UNC5D: variants seen among roughly 807,000 people sequenced by gnomAD.
UNC5D encodes the protein netrin receptor UNC5D.
Under a neutral mutation model 105.4 loss-of-function variants are expected in UNC5D, and 39 were observed. The ratio of observed to expected loss-of-function variants is 0.37; its 90% CI spans 0.29 to 0.48. The LOEUF (loss-of-function observed/expected upper bound fraction) is 0.48, where lower values mean the gene tolerates loss of function less well. Ranked by LOEUF, UNC5D falls within the 20% of genes least tolerant of loss-of-function variation. UNC5D has a pLI of 0.98. For missense variants in UNC5D, 991 were observed against 1,202.4 expected, an observed-to-expected ratio of 0.82 and a Z score of 2.60; for synonymous variants, 452 against 450.4, an observed-to-expected ratio of 1.00 and a Z score of -0.04.
chr8:35,717,200 C>G (rs776216160), intron 8 of UNC5D, among the ~76,000 whole-genome samples: 1 of 152,162 alleles, frequency 6.6e-6, no homozygotes, highest in Non-Finnish European at 1.5e-5. Flanking sequence ...AACAGAATAT[C>G]ATATGTTTGG....
chr8:35,292,239 A>G (rs1476775056), intron 1 of UNC5D, among the ~76,000 whole-genome samples: 1 of 152,208 alleles, frequency 6.6e-6, no homozygotes, highest in Non-Finnish European at 1.5e-5. Context: ...TGAAGAAGGA[A>G]GTAAAGTGTC....
intron 1 of UNC5D, among the ~76,000 whole-genome samples, chr8:35,485,727 C>A (rs918276601): frequency 6.6e-6 from 1 of 152,148 alleles, no homozygotes; most frequent in Non-Finnish European, 1.5e-5. Context: ...CAGTGAGACC[C>A]TGAGCAAAGT....
In UNC5D at chr8:35,614,169, T is replaced by A. The variant is rs138688921; in HGVS notation, c.570+18512T>A. Among the ~76,000 whole-genome samples the A allele has an allele frequency of 1.8e-4, 28 of 152,338 alleles. No individual in the cohort carries two copies. In the East Asian group the frequency reaches 5.4e-3, roughly 29 times the overall value. On this transcript the variant is annotated intron_variant, in intron 4 of 16. Transcript: ENST00000404895. ...TTTTCAAGCGAGAAGCTCTTTACCCTTCTCCCCTGTGAGGGTGTTCTTAAT... is the reference window on the plus strand; with the variant it reads ...TTTTCAAGCGAGAAGCTCTTTACCCATCTCCCCTGTGAGGGTGTTCTTAAT...
chr8:35,571,135 A>G (rs1817693471), intron 3 of UNC5D, among the ~76,000 whole-genome samples: 5 of 152,084 alleles, frequency 3.3e-5, no homozygotes, highest in Non-Finnish European at 7.4e-5. Context: ...ACAGGCATGA[A>G]CGACTGAGCC....
intron 4 of UNC5D, among the ~76,000 whole-genome samples, chr8:35,629,172 C>G (rs887062135): frequency 5.9e-5 from 9 of 152,074 alleles, no homozygotes; most frequent in Non-Finnish European, 1.2e-4. Context: ...GCTTTAAGTC[C>G]AAGAGTAGAA....
chr8:35,605,336 G>A (rs1820214875), intron 4 of UNC5D, among the ~76,000 whole-genome samples: 1 of 152,234 alleles, frequency 6.6e-6, no homozygotes, highest in Admixed American at 6.5e-5. Context: ...CTGGGTATCA[G>A]CAGCGGTGGC....
At chr8:35,367,928 A>G (rs916816497) in intron 1 of UNC5D, among the ~76,000 whole-genome samples, 1 of 152,126 alleles carries the variant, frequency 6.6e-6, no homozygotes, top group African/African-American at 2.4e-5. Flanking sequence ...TTGTTTCTCT[A>G]TACGTCTTCT....
intron 1 of UNC5D, among the ~76,000 whole-genome samples, chr8:35,432,771 A>G (rs1051629379): frequency 3.3e-5 from 5 of 152,188 alleles, no homozygotes; most frequent in African/African-American, 1.2e-4. Context: ...TAAAGGTTTC[A>G]GTTTCCCAAC....
chr8:35,547,681 G>T lies in UNC5D; in HGVS notation c.104-1611G>T, dbSNP rs28576533. On this transcript the variant is annotated intron_variant, in intron 1 of 16. Transcript: ENST00000404895. ...TCGGTTGTTGACTTAAGCATGAATA[G>T]TAAGAGGCTCTGGTCACAACTGCAT... Among the ~76,000 whole-genome samples, 893 of 152,294 alleles carry T rather than the reference G, an allele frequency of 5.9e-3. 9 individuals carry two copies. Among genetic ancestry groups the T allele is most frequent in the African/African-American group, 0.021 (855 of 41,562 alleles).
chr8:35,737,949 A>G (rs1045565119), intron 11 of UNC5D, among the ~76,000 whole-genome samples: 5 of 152,048 alleles, frequency 3.3e-5, no homozygotes, highest in Admixed American at 1.3e-4. Flanking sequence ...TCTACTAAAT[A>G]TGCAAAATTA....
chr8:35,325,874 C>G (rs1301326043), intron 1 of UNC5D, among the ~76,000 whole-genome samples: 3 of 152,058 alleles, frequency 2.0e-5, no homozygotes, highest in African/African-American at 7.2e-5. Context: ...TATCATCGTC[C>G]TCAGTATAAA....
At chr8:35,420,300 A>T (rs1474641877) in intron 1 of UNC5D, among the ~76,000 whole-genome samples, 1 of 152,136 alleles carries the variant, frequency 6.6e-6, no homozygotes, top group Non-Finnish European at 1.5e-5. Context: ...CTGGAGTATA[A>T]TTCATACATA....
intron 14 of UNC5D, 69 bp downstream of exon 14, chr8:35,759,538 C>A: frequency 1.3e-6 from 2 of 1,539,376 alleles, no homozygotes; most frequent in South Asian, 2.5e-5. Flanking sequence ...CAGATCCTGG[C>A]AAGGGTCTGC....
chr8:35,442,612 T>C (rs1334197805), intron 1 of UNC5D, among the ~76,000 whole-genome samples: 1 of 151,948 alleles, frequency 6.6e-6, no homozygotes, highest in African/African-American at 2.4e-5. Context: ...GAATAGTTTG[T>C]TTAGTAGTTT....
chr8:35,448,549 T>G (rs535424726), intron 1 of UNC5D, among the ~76,000 whole-genome samples: 1 of 152,240 alleles, frequency 6.6e-6, no homozygotes, highest in East Asian at 1.9e-4. Flanking sequence ...TTCAAATTCT[T>G]GACCCTAATC....
At chr8:35,506,118 C>T (rs1812290615) in intron 1 of UNC5D, among the ~76,000 whole-genome samples, 1 of 152,120 alleles carries the variant, frequency 6.6e-6, no homozygotes, top group Non-Finnish European at 1.5e-5. Flanking sequence ...GTTATAAATT[C>T]TGTAGTTCAG....
chr8:35,461,839 G>A (rs1808916486), intron 1 of UNC5D, among the ~76,000 whole-genome samples: 1 of 152,018 alleles, frequency 6.6e-6, no homozygotes, highest in South Asian at 2.1e-4. Flanking sequence ...AATTAGACCT[G>A]GTTGCCATAT....
intron 10 of UNC5D, 84 bp from the exon 11 acceptor site, chr8:35,730,928 C>A: frequency 1.7e-6 from 2 of 1,203,288 alleles, no homozygotes; most frequent in Non-Finnish European, 1.2e-6. Flanking sequence ...GCTTGTTTTC[C>A]AGGTATCTGT....
At chr8:35,544,973 C>T (rs576019849) in intron 1 of UNC5D, among the ~76,000 whole-genome samples, 2 of 152,266 alleles carry the variant, frequency 1.3e-5, no homozygotes, top group African/African-American at 4.8e-5. Flanking sequence ...TGTGCTAAAC[C>T]AGTGTCACCT....
Sources: gnomAD v4.1 joint callset for allele counts (sites outside exome capture counted in the v4.1 genomes callset) on GRCh38, gnomAD v4.1.1 for gene constraint, MANE v1.5 for transcripts, NCBI Gene and HGNC (gene_info 2026-07-23, HGNC 2026-07-21) for gene names.